Variants in S100A6 observed in about 807,000 individuals in gnomAD.
The protein encoded by S100A6 is protein S100-A6.
A neutral mutation model predicts 3.5 loss-of-function variants in S100A6; 3 were observed. That is an observed-to-expected ratio of 0.87 (90% CI 0.39 to 2.24). S100A6 has a LOEUF of 2.24. Among genes scored for constraint, S100A6 ranks in the 30% most tolerant of loss-of-function variants. S100A6 has a pLI of 0.05. For synonymous variants in S100A6, 48 were observed against 45.2 expected, an observed-to-expected ratio of 1.06 and a Z score of -0.25; for missense variants, 114 against 105.3, an observed-to-expected ratio of 1.08 and a Z score of -0.36.
At position 153,534,828 on chromosome 1, in the gene S100A6, C is replaced by T; in HGVS notation, c.141G>A (p.Lys47=). 6.2e-7 allele frequency: 1 copy of T among 1,611,002 alleles called. No individual in the cohort carries two copies. The highest frequency in any genetic ancestry group is 8.5e-7 in the Non-Finnish European group (1 of 1,179,164). ...GCCTTGCAATTTCAGCATCCTGCAG[C>T]TTCTAATGTGTTAGAATGTGAAATC... ...LIQKELTIGS[K]LQDAEIARLM... Residue 47 remains lysine, a splice_region_variant and synonymous_variant, in exon 3 of 3, where the codon AAG becomes AAA. Transcript: ENST00000368719.
rs201211621 is a variant in S100A6, at chr1:153,534,785, G to C, written c.184C>G (p.Arg62Gly). 7 of 1,613,722 alleles carry C rather than the reference G, an allele frequency of 4.3e-6. No homozygotes were observed. In the East Asian group the frequency reaches 1.1e-4, roughly 26 times the overall value. The change falls in exon 3 of 3, where the codon CGG becomes GGG. Residue 62 changes from arginine (R) to glycine (G), a missense_variant. Physicochemically the swap from Arg to Gly is moderately radical, Grantham distance 125. Transcript: ENST00000368719. ...AAGTTCACCTCCTGGTCCTTGTTCC[G>C]GTCCAAGTCTTCCATCAGCCTTGCA... ...EIARLMEDLD[R>G]NKDQEVNFQE...
At chr1:153,535,008 G>T in intron 2 of S100A6, 178 bp from the exon 3 acceptor site, 1 of 1,095,562 alleles carries the variant, frequency 9.1e-7, no homozygotes, top group Non-Finnish European at 1.3e-6. Context: ...TCCTCATTTG[G>T]AGAGATGGAT....
In S100A6 at chr1:153,535,297, T is replaced by C; in HGVS notation, c.43A>G (p.Ile15Val). Residue 15 changes from isoleucine to valine, a missense_variant, in exon 2 of 3, where the codon ATC becomes GTC. Transcript: ENST00000368719. ...TCCCTGCCGGAGTACTTGTGGAAGA[T>C]GGCCACGAGGAGGCCAATGGCCTGA... Reference protein sequence around the residue: ...LDQAIGLLVAIFHKYSGREGD... With the variant: ...LDQAIGLLVAVFHKYSGREGD... 1.2e-6 allele frequency: 2 copies of C among 1,614,166 alleles called. No homozygotes were observed. Among genetic ancestry groups the C allele is most frequent in the Non-Finnish European group, 1.7e-6 (2 of 1,180,026 alleles).
chr1:153,535,202 C>T lies in S100A6; in HGVS notation c.138G>A (p.Ser46=), dbSNP rs776637555. 53 of 1,613,928 alleles carry T rather than the reference C, an allele frequency of 3.3e-5. No individual in the cohort carries two copies. Among genetic ancestry groups the T allele is most frequent in the Non-Finnish European group, 3.6e-5 (43 of 1,179,980 alleles). The part of the protein sequence containing the change: ...ELIQKELTIG[S]KLQDAEIARL... The stretch of plus-strand genomic sequence containing the variant: ...GGGTCCTGGGGAGGAGGCCACTCAC[C>T]GAGCCAATGGTGAGCTCCTTCTGGA... Residue 46 remains serine (S), a splice_region_variant and synonymous_variant, in exon 2 of 3, where the codon TCG becomes TCA. Coordinates refer to ENST00000368719, the MANE Select transcript of S100A6 (RefSeq NM_014624.4).
chr1:153,534,640 CT>C lies in S100A6; in HGVS notation c.*55del. ...AAATTTATTGTACAATTACCCACCA[CT>C]GGATTTGACTCAGAGAGGACCCCCA... On this transcript the variant is annotated 3_prime_UTR_variant, in exon 3 of 3. Transcript: ENST00000368719. The C allele has an allele frequency of 6.7e-7, 1 of 1,501,960 alleles. No individual in the cohort carries two copies. Among genetic ancestry groups the C allele is most frequent in the Non-Finnish European group, 8.9e-7 (1 of 1,124,640 alleles). The allele number at this position is 1,501,960 out of a possible 1,614,324, so 93.0% of individuals were successfully genotyped here.
Position 153,534,600 on chromosome 1 carries a change from A to C in S100A6, c.*96T>G. ...CATTCGGAAGCCAGGACGCAAGGGT[A>C]AATTTGACCAAAAAAAATTTATTGT... On this transcript the variant is annotated 3_prime_UTR_variant, in exon 3 of 3. Coordinates refer to ENST00000368719, the MANE Select transcript of S100A6 (RefSeq NM_014624.4). 7.5e-7 allele frequency: 1 copy of C among 1,331,188 alleles called. No individual in the cohort carries two copies. The highest frequency in any genetic ancestry group is 1.5e-5 in the South Asian group (1 of 65,762). 82.5% of individuals were successfully genotyped at this position (1,331,188 alleles called of 1,614,324 possible).
At chr1:153,534,926 C>T (rs1665138762) in intron 2 of S100A6, 96 bp from the exon 3 acceptor site, 8 of 1,466,358 alleles carry the variant, frequency 5.5e-6, no homozygotes, top group Non-Finnish European at 5.5e-6. Flanking sequence ...GCAAGTGGCT[C>T]TGTGCTCCCT....
At chr1:153,535,099 G>A in intron 2 of S100A6, 103 bp downstream of exon 2, 3 of 1,493,632 alleles carry the variant, frequency 2.0e-6, no homozygotes, top group Non-Finnish European at 2.7e-6. Flanking sequence ...GCCTCAGAAT[G>A]TGGGTAAATG....
chr1:153,535,915 T>C, intron 1 of S100A6, 34 bp downstream of exon 1: 1 of 152,820 alleles, frequency 6.5e-6, no homozygotes. Flanking sequence ...CAGCTGGCCC[T>C]GGAAAGTACC....
At position 153,534,787 on chromosome 1, in the gene S100A6, T is replaced by A. The variant is rs1210780588; in HGVS notation, c.182A>T (p.Asp61Val). Reference sequence around the variant, plus strand: ...GTTCACCTCCTGGTCCTTGTTCCGGTCCAAGTCTTCCATCAGCCTTGCAAT... The same window carrying A: ...GTTCACCTCCTGGTCCTTGTTCCGGACCAAGTCTTCCATCAGCCTTGCAAT... The part of the protein sequence containing the change: ...AEIARLMEDL[D>V]RNKDQEVNFQ... Residue 61 changes from aspartate to valine, a missense_variant, in exon 3 of 3, where the codon GAC becomes GTC. Asp to Val is a radical substitution (Grantham distance 152). Coordinates refer to ENST00000368719, the MANE Select transcript of S100A6 (RefSeq NM_014624.4). 6.2e-7 allele frequency: 1 copy of A among 1,613,932 alleles called. No homozygotes were observed. The highest frequency in any genetic ancestry group is 8.5e-7 in the Non-Finnish European group (1 of 1,179,960).
At chr1:153,534,863 T>G (rs1433085342) in intron 2 of S100A6, 33 bp from the exon 3 acceptor site, 2 of 1,598,198 alleles carry the variant, frequency 1.3e-6, no homozygotes, top group African/African-American at 2.7e-5. Context: ...CCATACTCAG[T>G]GGTGATGACA....
rs139774183 is a variant in S100A6 at position 153,535,280 on chromosome 1, G to A, written c.60C>T (p.Ser20=). The part of the protein sequence containing the change: ...GLLVAIFHKY[S]GREGDKHTLS... The stretch of plus-strand genomic sequence containing the variant: ...GGGTGTGCTTGTCACCCTCCCTGCC[G>A]GAGTACTTGTGGAAGATGGCCACGA... Residue 20 remains serine, a synonymous_variant, in exon 2 of 3, where the codon TCC becomes TCT. Transcript: ENST00000368719. 6.9e-5 allele frequency: 111 copies of A among 1,614,070 alleles called. No individual in the cohort carries two copies. Among genetic ancestry groups the A allele is most frequent in the Middle Eastern group, 1.6e-4 (1 of 6,084 alleles).
chr1:153,535,866 TG>T (rs1263843768), intron 1 of S100A6, 82 bp downstream of exon 1: 1 of 153,158 alleles, frequency 6.5e-6, no homozygotes, highest in East Asian at 1.9e-4. Flanking sequence ...ATCCAGCGGC[TG>T]AACTGGGCAG....
chr1:153,535,278 C>A lies in S100A6; in HGVS notation c.62G>T (p.Gly21Val). ...CAGGGTGTGCTTGTCACCCTCCCTG[C>A]CGGAGTACTTGTGGAAGATGGCCAC... ...LLVAIFHKYS[G>V]REGDKHTLSK... Residue 21 changes from glycine (G) to valine (V), a missense_variant, in exon 2 of 3, where the codon GGC (glycine) becomes GTC (valine). Physicochemically the swap from Gly to Val is moderately radical, Grantham distance 109 (BLOSUM62 -3). Coordinates refer to ENST00000368719, the MANE Select transcript of S100A6 (RefSeq NM_014624.4). The A allele has an allele frequency of 6.2e-7, 1 of 1,614,170 alleles. No individual in the cohort carries two copies. Among genetic ancestry groups the A allele is most frequent in the Non-Finnish European group, 8.5e-7 (1 of 1,180,024 alleles).
chr1:153,535,121 C>T lies in S100A6; in HGVS notation c.138+81G>A, dbSNP rs116123731. The T allele has an allele frequency of 2.0e-3, 3,178 of 1,570,468 alleles. 54 individuals are homozygous for T. In the African/African-American group the frequency reaches 0.037, roughly 18 times the overall value. ...AATGTGGGTAAATGTGAGTCAGATG[C>T]ACCTGGCACCTCTCTCTCCCCTAAT... is the stretch of plus-strand genomic sequence containing the variant. On this transcript the variant is annotated intron_variant, in intron 2 of 2. Coordinates refer to ENST00000368719, the MANE Select transcript of S100A6 (RefSeq NM_014624.4).
chr1:153,534,660 AC>A lies in S100A6; in HGVS notation c.*35del. On this transcript the variant is annotated 3_prime_UTR_variant, in exon 3 of 3. Transcript: ENST00000368719. ...CACCACTGGATTTGACTCAGAGAGG[AC>A]CCCCAGAGGGTGTCTCCATCTTCCC... 1 of 1,535,840 alleles carries A rather than the reference AC, an allele frequency of 6.5e-7. No individual in the cohort carries two copies.
chr1:153,535,429 G>A (rs1665157665), intron 1 of S100A6, 69 bp from the exon 2 acceptor site: 1 of 1,495,666 alleles, frequency 6.7e-7, no homozygotes, highest in South Asian at 1.2e-5. Context: ...CAATAATGCT[G>A]CCTGCACTAG....
intron 2 of S100A6, 132 bp downstream of exon 2, chr1:153,535,070 G>A (rs1407110020): frequency 3.0e-6 from 4 of 1,311,836 alleles, no homozygotes; most frequent in Non-Finnish European, 4.2e-6. Context: ...TACAGCTCAG[G>A]GTCTACATGT....
At position 153,535,005 on chromosome 1, in the gene S100A6, T is replaced by C. The variant is rs974756291; in HGVS notation, c.139-175A>G. 1.5e-5 allele frequency: 17 copies of C among 1,099,656 alleles called. No individual in the cohort carries two copies. In the African/African-American group the frequency reaches 2.7e-4, roughly 17 times the overall value. 68.1% of individuals were successfully genotyped at this position (1,099,656 alleles called of 1,614,324 possible). A position where few individuals can be genotyped will look rare whatever the true frequency, so the allele number is the denominator to read the frequency against. ...CTACTTCTCAGTTACTGGTCCTCAT[T>C]TGGAGAGATGGATATCCGGCTGGAA... On this transcript the variant is annotated intron_variant, in intron 2 of 2. Coordinates refer to ENST00000368719, the MANE Select transcript of S100A6 (RefSeq NM_014624.4).
Sources: gnomAD v4.1 joint callset for allele counts on GRCh38, gnomAD v4.1.1 for gene constraint, MANE v1.5 for transcripts, NCBI Gene and HGNC (gene_info 2026-07-23, HGNC 2026-07-21) for gene names.